EPHA4: variants seen among roughly 807,000 people sequenced by gnomAD.
The protein encoded by EPHA4 is ephrin type-A receptor 4.
In EPHA4, 19 loss-of-function variants were observed where a neutral mutation model predicts 108.3. The ratio of observed to expected loss-of-function variants is 0.18; its 90% CI spans 0.12 to 0.26. The LOEUF (loss-of-function observed/expected upper bound fraction) is 0.26. Among genes scored for constraint, EPHA4 ranks in the 10% least tolerant of loss-of-function variants. EPHA4 has a pLI of 1.00. For missense variants in EPHA4, 917 were observed against 1,254.0 expected (o/e 0.73, Z 4.06); for synonymous variants, 449 against 455.5 (o/e 0.99, Z 0.18).
intron 3 of EPHA4, among the ~76,000 whole-genome samples, chr2:221,515,759 G>T (rs1422002948): frequency 6.6e-6 from 1 of 152,156 alleles, no homozygotes; most frequent in Non-Finnish European, 1.5e-5. Context: ...CAAGGCCTCA[G>T]TGAGCCGTGA....
rs192248710 is a variant in EPHA4, at chr2:221,460,283, G to A, written c.1319-2293C>T. 5.8e-4 allele frequency among the ~76,000 whole-genome samples: 88 copies of A among 152,264 alleles called. 1 individual carries two copies. The highest frequency in any genetic ancestry group is 1.6e-3 in the African/African-American group (65 of 41,562). On this transcript the variant is annotated intron_variant, in intron 5 of 17. Coordinates refer to ENST00000281821, the MANE Select transcript of EPHA4 (RefSeq NM_004438.5). ...CTGAAAGAGAAATGCAAGCAAGAAC[G>A]AAGGATTAAATGAAAATAGAATGCT...
Position 221,426,484 on chromosome 2 carries a change from AGCC to A in EPHA4, c.2823_2825del (p.Glu941_Ala942delinsAsp). 1.2e-6 allele frequency: 2 copies of A among 1,609,740 alleles called. No homozygotes were observed. The highest frequency in any genetic ancestry group is 1.7e-6 in the Non-Finnish European group (2 of 1,179,006). On this transcript the variant is annotated inframe_deletion, in exon 16 of 18. Coordinates refer to ENST00000281821, the MANE Select transcript of EPHA4 (RefSeq NM_004438.5). ...CTTACTCCTGGTTCACGTGCACCAC[AGCC>A]TCTAGTGTGGTATAACCAGCAGCTG...
chr2:221,463,128 C>T (rs142687646), intron 5 of EPHA4, among the ~76,000 whole-genome samples: 2 of 152,116 alleles, frequency 1.3e-5, no homozygotes, highest in Non-Finnish European at 2.9e-5. Flanking sequence ...GGGTGGAGAG[C>T]CCTTTGCAGT....
chr2:221,452,407 G>T (rs1417565127), intron 8 of EPHA4, among the ~76,000 whole-genome samples: 1 of 152,174 alleles, frequency 6.6e-6, no homozygotes, highest in African/African-American at 2.4e-5. Flanking sequence ...AAAAGCCTGG[G>T]CCAGCCAGGC....
intron 3 of EPHA4, among the ~76,000 whole-genome samples, chr2:221,511,166 A>C (rs886884355): frequency 3.3e-5 from 5 of 151,648 alleles, no homozygotes; most frequent in African/African-American, 1.2e-4. Context: ...AGGTTTGATA[A>C]AAATACTCTT....
intron 3 of EPHA4, among the ~76,000 whole-genome samples, chr2:221,531,966 C>G (rs1010869590): frequency 6.6e-6 from 1 of 152,098 alleles, no homozygotes; most frequent in Non-Finnish European, 1.5e-5. Flanking sequence ...GTGTCAGGAA[C>G]AAGGACCTGC....
chr2:221,494,798 G>A (rs1692255106), intron 4 of EPHA4, among the ~76,000 whole-genome samples: 1 of 152,112 alleles, frequency 6.6e-6, no homozygotes, highest in African/African-American at 2.4e-5. Context: ...CTGCATTCCA[G>A]AAGGGGCAGG....
At chr2:221,447,145 T>A (rs537848550) in intron 8 of EPHA4, among the ~76,000 whole-genome samples, 1 of 152,210 alleles carries the variant, frequency 6.6e-6, no homozygotes, top group Non-Finnish European at 1.5e-5. Flanking sequence ...TCCGTTGATA[T>A]CACAGCTGTC....
At position 221,425,790 on chromosome 2, in the gene EPHA4, G is replaced by C. The variant is rs568969383; in HGVS notation, c.*238C>G. ...GTATTTTACAGACTGGTGATGAACA[G>C]AAAAGTACTTCTGAGAAACGATTTG... On this transcript the variant is annotated 3_prime_UTR_variant, in exon 17 of 18. Transcript: ENST00000281821. 5.5e-4 allele frequency: 281 copies of C among 508,220 alleles called. 1 individual carries two copies. The highest frequency in any genetic ancestry group is 4.7e-3 in the African/African-American group (246 of 51,908). 31.5% of individuals were successfully genotyped at this position (508,220 alleles called of 1,614,324 possible).
At chr2:221,423,401 C>T (rs1689811238) in intron 17 of EPHA4, among the ~76,000 whole-genome samples, 1 of 152,188 alleles carries the variant, frequency 6.6e-6, no homozygotes, top group South Asian at 2.1e-4. Context: ...TCTTCTAAAA[C>T]TTCATGGAGG....
chr2:221,442,886 T>G lies in EPHA4; in HGVS notation c.2017A>C (p.Ile673Leu). Residue 673 changes from isoleucine (I) to leucine (L), a missense_variant, in exon 11 of 18, where the codon ATC becomes CTC. By Grantham distance (5) the Ile-to-Leu change is conservative (BLOSUM62 2). Transcript: ENST00000281821. ...QRRDFLSEAS[I>L]MGQFDHPNII... ...TTCGGATGGTCAAACTGTCCCATGA[T>G]GCTGGCCTCACTCAGGAAGTCTCTC... 6.2e-7 allele frequency: 1 copy of G among 1,614,212 alleles called. No individual in the cohort carries two copies. Among genetic ancestry groups the G allele is most frequent in the Non-Finnish European group, 8.5e-7 (1 of 1,180,038 alleles).
chr2:221,426,268 T>C (rs773098479), intron 16 of EPHA4, 126 bp from the exon 17 acceptor site: 24 of 1,039,776 alleles, frequency 2.3e-5, no homozygotes, highest in Non-Finnish European at 2.8e-5. Flanking sequence ...GGCAGGTGTA[T>C]TAAAATGTTT....
intron 17 of EPHA4, among the ~76,000 whole-genome samples, chr2:221,422,839 T>C (rs1425346447): frequency 6.6e-6 from 1 of 152,226 alleles, no homozygotes; most frequent in Non-Finnish European, 1.5e-5. Context: ...GAATTTTACT[T>C]TTGTATCACT....
intron 5 of EPHA4, among the ~76,000 whole-genome samples, chr2:221,472,724 G>A (rs954392836): frequency 1.3e-5 from 2 of 152,108 alleles, no homozygotes; most frequent in Non-Finnish European, 2.9e-5. Flanking sequence ...CCCCTCCCAA[G>A]AGTAACAGCA....
chr2:221,469,581 A>G (rs1286458098), intron 5 of EPHA4, among the ~76,000 whole-genome samples: 1 of 152,154 alleles, frequency 6.6e-6, no homozygotes, highest in Non-Finnish European at 1.5e-5. Flanking sequence ...ATGGAGCCTG[A>G]ATATATTATA....
At chr2:221,429,691 A>C (rs915338585) in intron 15 of EPHA4, among the ~76,000 whole-genome samples, 7 of 152,138 alleles carry the variant, frequency 4.6e-5, no homozygotes, top group Non-Finnish European at 8.8e-5. Context: ...GGCATCCTAA[A>C]ATAGGCACTT....
At chr2:221,424,663 C>A (rs368273285) in intron 17 of EPHA4, among the ~76,000 whole-genome samples, 5 of 152,142 alleles carry the variant, frequency 3.3e-5, no homozygotes, top group East Asian at 1.9e-4. Flanking sequence ...AGGCGAGTTC[C>A]AAGTCTCACC....
chr2:221,502,782 C>A (rs762214593), intron 3 of EPHA4, among the ~76,000 whole-genome samples: 20 of 152,214 alleles, frequency 1.3e-4, no homozygotes, highest in Admixed American at 2.6e-4. Flanking sequence ...TATGGAATTT[C>A]CTTTAACAAG....
chr2:221,431,953 A>G (rs1428581357), intron 14 of EPHA4, among the ~76,000 whole-genome samples: 2 of 152,150 alleles, frequency 1.3e-5, no homozygotes, highest in African/African-American at 2.4e-5. Flanking sequence ...CTATGCATCA[A>G]AGTAATTCCC....
Sources: gnomAD v4.1 joint callset for allele counts (sites outside exome capture counted in the v4.1 genomes callset) on GRCh38, gnomAD v4.1.1 for gene constraint, MANE v1.5 for transcripts, NCBI Gene and HGNC (gene_info 2026-07-23, HGNC 2026-07-21) for gene names.